The following JARID2 variants were observed in gnomAD, a reference collection of about 807,000 sequenced individuals.
JARID2 encodes the protein protein Jumonji.
Under a neutral mutation model 125.6 loss-of-function variants are expected in JARID2, and 21 were observed. That is an observed-to-expected ratio of 0.17 (90% CI 0.12 to 0.24). The LOEUF is 0.24. Ranked by LOEUF, JARID2 falls within the 10% of genes least tolerant of loss-of-function variation. The pLI is 1.00. For synonymous variants in JARID2, 736 were observed against 661.6 expected (o/e 1.11, Z -1.73); for missense variants, 1,303 against 1,639.6 (o/e 0.79, Z 3.55).
At position 15,501,494 on chromosome 6, in the gene JARID2, C is replaced by T. The variant is rs149531383; in HGVS notation, c.2448+85C>T. On this transcript the variant is annotated intron_variant, in intron 8 of 17. Transcript: ENST00000341776. ...GAAGTGGAGCGTGCTATGCACTGGACGGTGTGTTCTCTGATTCCCTGGGGT... is the reference window on the plus strand; with the variant it reads ...GAAGTGGAGCGTGCTATGCACTGGATGGTGTGTTCTCTGATTCCCTGGGGT... 358 of 1,341,136 alleles carry T rather than the reference C, an allele frequency of 2.7e-4. 3 individuals are homozygous for T. In the East Asian group the frequency reaches 7.6e-3, roughly 28 times the overall value. The allele number at this position is 1,341,136 out of a possible 1,614,324, so 83.1% of individuals were successfully genotyped here. A position where few individuals can be genotyped will look rare whatever the true frequency, so the allele number is the denominator to read the frequency against.
At chr6:15,466,084 G>A (rs551393101) in intron 4 of JARID2, among the ~76,000 whole-genome samples, 19 of 152,276 alleles carry the variant, frequency 1.2e-4, no homozygotes, top group African/African-American at 3.4e-4. Flanking sequence ...GATTACAGGC[G>A]TGAGCCACCA....
At chr6:15,288,818 A>G (rs139156832) in intron 1 of JARID2, among the ~76,000 whole-genome samples, 456 of 152,344 alleles carry the variant, frequency 3.0e-3, no homozygotes, top group African/African-American at 0.01. Flanking sequence ...GGGCATAACT[A>G]GGCCCTGTGG....
intron 3 of JARID2, among the ~76,000 whole-genome samples, chr6:15,443,113 C>G (rs1767517757): frequency 1.3e-5 from 2 of 151,788 alleles, no homozygotes; most frequent in Admixed American, 1.3e-4. Context: ...TCACCTTTCT[C>G]TCTGATGCCT....
chr6:15,281,856 C>A (rs1760762216), intron 1 of JARID2, among the ~76,000 whole-genome samples: 1 of 152,186 alleles, frequency 6.6e-6, no homozygotes, highest in South Asian at 2.1e-4. Flanking sequence ...TCTGTCCATA[C>A]ACCTTTCAAA....
At chr6:15,368,973 G>A (rs574876446) in intron 1 of JARID2, among the ~76,000 whole-genome samples, 2 of 152,178 alleles carry the variant, frequency 1.3e-5, no homozygotes, top group East Asian at 3.9e-4. Flanking sequence ...CTAACAGGCT[G>A]CCGAGTGGTT....
intron 1 of JARID2, among the ~76,000 whole-genome samples, chr6:15,269,572 AT>A (rs35174256): frequency 0.29 from 39,549 of 135,480 alleles, 5,080 homozygotes; most frequent in South Asian, 0.43. Flanking sequence ...CTATTTTAAA[AT>A]TTTTTTTTTT....
Position 15,293,879 on chromosome 6 carries a change from G to C in JARID2, c.45+47295G>C, listed in dbSNP as rs114081977. 4.9e-3 allele frequency among the ~76,000 whole-genome samples: 753 copies of C among 152,364 alleles called. 11 individuals are homozygous for C. Among genetic ancestry groups the C allele is most frequent in the African/African-American group, 0.017 (700 of 41,594 alleles). ...CAAAAGGGTTGCATGCAGGCCAGTG[G>C]CCTGGCATTGGCTGCCAGGAGGGAC... is the stretch of plus-strand genomic sequence containing the variant. On this transcript the variant is annotated intron_variant, in intron 1 of 17. Transcript: ENST00000341776.
chr6:15,410,639 T>C (rs1399135592), intron 3 of JARID2, among the ~76,000 whole-genome samples: 4 of 152,242 alleles, frequency 2.6e-5, no homozygotes, highest in African/African-American at 7.2e-5. Flanking sequence ...ATGCCTGTCT[T>C]AACTGTTCAT....
rs1770437109 is a variant in JARID2 at position 15,496,514 on chromosome 6, G to T, written c.1289G>T (p.Gly430Val). The T allele has an allele frequency of 1.2e-6, 2 of 1,604,864 alleles. No homozygotes were observed. The highest frequency in any genetic ancestry group is 1.7e-6 in the Non-Finnish European group (2 of 1,176,140). Residue 430 changes from glycine (G) to valine (V), a missense_variant, in exon 7 of 18, where the codon GGC (glycine) becomes GTC (valine). By Grantham distance (109) the Gly-to-Val change is moderately radical (BLOSUM62 -3). Coordinates refer to ENST00000341776, the MANE Select transcript of JARID2 (RefSeq NM_004973.4). ...KEVGGRQLRE[G>V]LQLREGLRNS... ...GTGGGGGGGCGGCAGCTGCGGGAGG[G>T]CCTGCAGCTGCGGGAGGGGCTGCGG... is the stretch of plus-strand genomic sequence containing the variant.
At chr6:15,369,194 T>G in intron 1 of JARID2, 2 of 302,032 alleles carry the variant, frequency 6.6e-6, no homozygotes, top group South Asian at 6.3e-5. Flanking sequence ...TTTTTGTCTT[T>G]TAGTAAAAAG....
At chr6:15,283,201 A>G (rs1440966459) in intron 1 of JARID2, among the ~76,000 whole-genome samples, 14 of 147,174 alleles carry the variant, frequency 9.5e-5, no homozygotes, top group African/African-American at 3.3e-4. Context: ...GACGGTCTCG[A>G]TCTGCCGACC....
intron 1 of JARID2, among the ~76,000 whole-genome samples, chr6:15,283,705 A>ATT (rs58730259): frequency 0.011 from 1,207 of 113,094 alleles, 21 homozygotes; most frequent in Non-Finnish European, 0.016. Context: ...TCCTTTAAGT[A>ATT]TTTTTTTTTT....
intron 5 of JARID2, among the ~76,000 whole-genome samples, chr6:15,485,828 T>G (rs974120656): frequency 6.6e-6 from 1 of 152,086 alleles, no homozygotes; most frequent in Admixed American, 6.5e-5. Context: ...CCATGTGAGA[T>G]TGAATGTTGG....
intron 5 of JARID2, among the ~76,000 whole-genome samples, chr6:15,470,506 ATTG>A (rs750609177): frequency 1.3e-5 from 2 of 152,172 alleles, no homozygotes; most frequent in African/African-American, 2.4e-5. Context: ...TCTAGCTTTC[ATTG>A]TTGTTGGGCA....
chr6:15,336,871 C>T (rs1318721727), intron 1 of JARID2, among the ~76,000 whole-genome samples: 1 of 152,102 alleles, frequency 6.6e-6, no homozygotes, highest in Admixed American at 6.5e-5. Context: ...AATTCTGTTG[C>T]GCAGTCAGGA....
chr6:15,484,571 C>G (rs769210164), intron 5 of JARID2, among the ~76,000 whole-genome samples: 4 of 152,184 alleles, frequency 2.6e-5, no homozygotes, highest in Non-Finnish European at 4.4e-5. Context: ...ACCTACTGAA[C>G]CCCAGACATT....
rs1242016638 is a variant in JARID2, at chr6:15,501,463, A to G, written c.2448+54A>G. 6.7e-6 allele frequency: 10 copies of G among 1,491,980 alleles called. No individual in the cohort carries two copies. The South Asian group carries it at 1.2e-4, about 18-fold the overall frequency. 92.4% of individuals were successfully genotyped at this position (1,491,980 alleles called of 1,614,324 possible). A position where few individuals can be genotyped will look rare whatever the true frequency, so the allele number is the denominator to read the frequency against. On this transcript the variant is annotated intron_variant, in intron 8 of 17. Coordinates refer to ENST00000341776, the MANE Select transcript of JARID2 (RefSeq NM_004973.4). ...CAGCTGCAGGAGTGCGGGAGGAATG[A>G]GAGAGGAAGTGGAGCGTGCTATGCA... is the stretch of plus-strand genomic sequence containing the variant.
At chr6:15,435,598 C>A (rs1344658847) in intron 3 of JARID2, among the ~76,000 whole-genome samples, 1 of 152,142 alleles carries the variant, frequency 6.6e-6, no homozygotes, top group Non-Finnish European at 1.5e-5. Flanking sequence ...CTTAGAATTT[C>A]CATCAGTAAT....
At chr6:15,296,656 A>T (rs1761427250) in intron 1 of JARID2, among the ~76,000 whole-genome samples, 1 of 152,248 alleles carries the variant, frequency 6.6e-6, no homozygotes, top group Non-Finnish European at 1.5e-5. Context: ...AATTAAGGAT[A>T]TTTTGTTCCC....
Sources: gnomAD v4.1 joint callset for allele counts (sites outside exome capture counted in the v4.1 genomes callset) on GRCh38, gnomAD v4.1.1 for gene constraint, MANE v1.5 for transcripts, NCBI Gene and HGNC (gene_info 2026-07-23, HGNC 2026-07-21) for gene names.